Variants in WDFY3 observed in about 807,000 individuals in gnomAD.
The protein encoded by WDFY3 is WD repeat and FYVE domain-containing protein 3.
A neutral mutation model predicts 409.6 loss-of-function variants in WDFY3; 66 were observed. That is an observed-to-expected ratio of 0.16 (90% confidence interval 0.13 to 0.20). WDFY3 has a LOEUF of 0.20. Ranked by LOEUF, WDFY3 falls within the 10% of genes least tolerant of loss-of-function variation. The pLI is 1.00. For missense variants in WDFY3, 3,031 were observed against 4,298.1 expected (o/e 0.71, Z 8.24); for synonymous variants, 1,521 against 1,537.1 (o/e 0.99, Z 0.25).
chr4:84,927,233 T>C (rs1408795546), intron 2 of WDFY3, among the ~76,000 whole-genome samples: 1 of 152,166 alleles, frequency 6.6e-6, no homozygotes, highest in Non-Finnish European at 1.5e-5. Flanking sequence ...TCTAACCTAA[T>C]GAAGTTTTTA....
At chr4:84,904,762 T>G (rs930812844) in intron 2 of WDFY3, among the ~76,000 whole-genome samples, 4 of 152,200 alleles carry the variant, frequency 2.6e-5, no homozygotes, top group African/African-American at 9.6e-5. Flanking sequence ...ATACCATCTG[T>G]ATATCTCCTC....
chr4:84,914,320 C>T (rs1443450592), intron 2 of WDFY3, among the ~76,000 whole-genome samples: 1 of 152,072 alleles, frequency 6.6e-6, no homozygotes, highest in Non-Finnish European at 1.5e-5. Flanking sequence ...ACTCAAGAAG[C>T]TGAGGCAGGA....
chr4:84,860,660 C>T (rs1760478674), intron 3 of WDFY3, 38 bp from the exon 4 acceptor site: 1 of 1,457,046 alleles, frequency 6.9e-7, no homozygotes. Context: ...GTCAAAACAT[C>T]ATCATCTTGA....
rs780381928 is a variant in WDFY3 at position 84,715,375 on chromosome 4, A to G, written c.7884T>C (p.Ala2628=). 1 of 1,586,194 alleles carries G rather than the reference A, an allele frequency of 6.3e-7. No individual in the cohort carries two copies. Among genetic ancestry groups the G allele is most frequent in the South Asian group, 1.1e-5 (1 of 89,932 alleles). ...GTCCATCTCCAGAGAAAACTTCCAC[A>G]GCAATAGGCTGAAATGATCAGAGAG... ...HKRRYLLQPI[A]VEVFSGDGRN... Residue 2628 remains alanine (A), a synonymous_variant, in exon 50 of 68, where the codon GCT becomes GCC. Coordinates refer to ENST00000295888, the MANE Select transcript of WDFY3 (RefSeq NM_014991.6).
chr4:84,735,200 T>C (rs1737233629), intron 42 of WDFY3, 80 bp from the exon 43 acceptor site: 1 of 1,256,582 alleles, frequency 8.0e-7, no homozygotes, highest in Non-Finnish European at 1.1e-6. Flanking sequence ...AAATTAATGC[T>C]AAATAATTGG....
At chr4:84,827,591 C>A (rs1231086595) in intron 9 of WDFY3, among the ~76,000 whole-genome samples, 1 of 152,050 alleles carries the variant, frequency 6.6e-6, no homozygotes, top group Non-Finnish European at 1.5e-5. Context: ...TCTTTAGGAT[C>A]AATAAACATA....
In WDFY3 at chr4:84,670,907, G is replaced by A. The variant is rs930754525; in HGVS notation, c.*1961C>T. On this transcript the variant is annotated 3_prime_UTR_variant, in exon 68 of 68. Coordinates refer to ENST00000295888, the MANE Select transcript of WDFY3 (RefSeq NM_014991.6). The stretch of plus-strand genomic sequence containing the variant: ...GTGTGGGGGGAGTAAGACACAGAAA[G>A]GAAAACAGAACACAACTTTTCTTTA... 2 of 152,408 alleles carry A rather than the reference G, an allele frequency of 1.3e-5. No homozygotes were observed. The highest frequency in any genetic ancestry group is 2.9e-5 in the Non-Finnish European group (2 of 68,018). 9.4% of individuals were successfully genotyped at this position (152,408 alleles called of 1,614,324 possible).
chr4:84,729,846 T>C (rs1242183429), intron 44 of WDFY3, among the ~76,000 whole-genome samples: 1 of 152,198 alleles, frequency 6.6e-6, no homozygotes, highest in Non-Finnish European at 1.5e-5. Context: ...AGGCAAAAGA[T>C]CAAATCATTT....
chr4:84,699,309 A>G (rs1730692682), intron 56 of WDFY3, among the ~76,000 whole-genome samples: 1 of 152,182 alleles, frequency 6.6e-6, no homozygotes, highest in Non-Finnish European at 1.5e-5. Flanking sequence ...GAAATGTACA[A>G]TATGTGACTG....
chr4:84,916,467 T>A (rs1055031501), intron 2 of WDFY3, among the ~76,000 whole-genome samples: 2 of 152,200 alleles, frequency 1.3e-5, no homozygotes, highest in Middle Eastern at 3.2e-3. Flanking sequence ...CTGCCTCTGT[T>A]ACAAGTATTT....
chr4:84,891,594 A>C (rs1764966177), intron 3 of WDFY3, among the ~76,000 whole-genome samples: 1 of 152,160 alleles, frequency 6.6e-6, no homozygotes, highest in Non-Finnish European at 1.5e-5. Flanking sequence ...TGATAAATAT[A>C]AGAAAATGCC....
At chr4:84,731,365 CA>C (rs1262839232) in intron 44 of WDFY3, among the ~76,000 whole-genome samples, 2 of 152,160 alleles carry the variant, frequency 1.3e-5, no homozygotes, top group Non-Finnish European at 2.9e-5. Context: ...TTCAAATTTA[CA>C]AAAGATGTGA....
intron 37 of WDFY3, among the ~76,000 whole-genome samples, 157 bp from the exon 38 acceptor site, chr4:84,742,078 T>A (rs1445137903): frequency 6.6e-6 from 1 of 152,164 alleles, no homozygotes; most frequent in African/African-American, 2.4e-5. Context: ...GAAAATGACA[T>A]TCAATGGCCA....
intron 3 of WDFY3, among the ~76,000 whole-genome samples, chr4:84,880,528 C>T (rs1254713776): frequency 1.3e-5 from 2 of 150,000 alleles, no homozygotes; most frequent in African/African-American, 2.5e-5. Context: ...ACAGATCATA[C>T]GAATCAGCAA....
At chr4:84,705,075 A>G (rs578164479) in intron 54 of WDFY3, among the ~76,000 whole-genome samples, 1 of 152,326 alleles carries the variant, frequency 6.6e-6, no homozygotes, top group Admixed American at 6.5e-5. Flanking sequence ...AATAAATTAA[A>G]GTATGGTTCC....
chr4:84,859,867 G>A (rs1195104153), intron 4 of WDFY3, among the ~76,000 whole-genome samples: 4 of 152,122 alleles, frequency 2.6e-5, no homozygotes, highest in South Asian at 2.1e-4. Flanking sequence ...GAGCCACCAC[G>A]CCTGGCCTAA....
chr4:84,733,263 G>A lies in WDFY3; in HGVS notation c.7221+119C>T, dbSNP rs553187420. 4.8e-5 allele frequency: 52 copies of A among 1,090,756 alleles called. 3 individuals carry two copies. In the Middle Eastern group the frequency reaches 4.6e-3, roughly 97 times the overall value. The allele number at this position is 1,090,756 out of a possible 1,614,324, so 67.6% of individuals were successfully genotyped here. ...ACTCTGAAGTTATCAATTTAATAGC[G>A]TATGTTGAATTTTTAAAATTAGCTA... On this transcript the variant is annotated intron_variant, in intron 44 of 67. Coordinates refer to ENST00000295888, the MANE Select transcript of WDFY3 (RefSeq NM_014991.6).
chr4:84,903,922 C>G (rs988633596), intron 2 of WDFY3, among the ~76,000 whole-genome samples: 22 of 152,014 alleles, frequency 1.4e-4, no homozygotes, highest in African/African-American at 5.3e-4. Context: ...CGCCCGCCTG[C>G]CTGCCCGCCT....
At chr4:84,790,144 G>C (rs919540474) in intron 21 of WDFY3, among the ~76,000 whole-genome samples, 3 of 152,046 alleles carry the variant, frequency 2.0e-5, no homozygotes, top group Non-Finnish European at 4.4e-5. Context: ...GACGTCAGGA[G>C]TTCGAGACCA....
Sources: gnomAD v4.1 joint callset for allele counts (sites outside exome capture counted in the v4.1 genomes callset) on GRCh38, gnomAD v4.1.1 for gene constraint, MANE v1.5 for transcripts, NCBI Gene and HGNC (gene_info 2026-07-23, HGNC 2026-07-21) for gene names.